Variants in PATJ observed in about 807,000 individuals in gnomAD.
The protein encoded by PATJ is PATJ crumbs cell polarity complex component, also known as inaD-like protein.
In PATJ, 190 loss-of-function variants were observed where a neutral mutation model predicts 224.9. That is an observed-to-expected ratio of 0.84 (90% CI 0.75 to 0.95). The LOEUF (loss-of-function observed/expected upper bound fraction) is 0.95. Ranked by LOEUF, PATJ falls within the 40% of genes least tolerant of loss-of-function variation. The pLI is 0.00. For synonymous variants in PATJ, 769 were observed against 820.3 expected, an observed-to-expected ratio of 0.94 and a Z score of 1.07; for missense variants, 2,121 against 2,270.3, an observed-to-expected ratio of 0.93 and a Z score of 1.34.
At position 61,869,971 on chromosome 1, in the gene PATJ, G is replaced by A. The variant is rs190887382; in HGVS notation, c.2836-5272G>A. On this transcript the variant is annotated intron_variant, in intron 20 of 43. Coordinates refer to ENST00000642238, the MANE Select transcript of PATJ (RefSeq NM_001350145.3). ...CCCGAAGCCCCAGTGGGCGTGTTAC[G>A]GTGATCTTTTAGCTCTGCCATCTGC... is the stretch of plus-strand genomic sequence containing the variant. Among the ~76,000 whole-genome samples, 39 of 152,058 alleles carry A rather than the reference G, an allele frequency of 2.6e-4. No individual in the cohort carries two copies. In the East Asian group the frequency reaches 3.3e-3, roughly 13 times the overall value.
chr1:61,759,410 C>CTT (rs56222334), intron 1 of PATJ, among the ~76,000 whole-genome samples: 109 of 130,090 alleles, frequency 8.4e-4, no homozygotes, highest in Admixed American at 1.8e-3. Context: ...ATTTTAATTG[C>CTT]TTTTTTTTTT....
chr1:62,063,847 G>T (rs1314763731), intron 31 of PATJ, among the ~76,000 whole-genome samples: 4 of 152,142 alleles, frequency 2.6e-5, no homozygotes, highest in African/African-American at 9.7e-5. Flanking sequence ...TTTGTTCACT[G>T]ATTTTGTGTC....
At chr1:62,073,013 C>G in intron 31 of PATJ, 1 of 984,928 alleles carries the variant, frequency 1.0e-6, no homozygotes. Flanking sequence ...GTGTCTTTTA[C>G]ATTTCAGGAA....
At chr1:61,992,276 C>A (rs1428269568) in intron 28 of PATJ, among the ~76,000 whole-genome samples, 1 of 152,076 alleles carries the variant, frequency 6.6e-6, no homozygotes, top group Non-Finnish European at 1.5e-5. Context: ...TGCCACCATG[C>A]CCAGCTAATA....
chr1:62,142,168 A>T (rs79385216), intron 41 of PATJ, among the ~76,000 whole-genome samples: 5,245 of 152,198 alleles, frequency 0.034, 162 homozygotes, highest in South Asian at 0.13. Context: ...CAGCCCCATA[A>T]GGACAGTCTG....
At chr1:61,871,557 ATTTTTTTTTT>A (rs71582650) in intron 20 of PATJ, among the ~76,000 whole-genome samples, 3 of 55,046 alleles carry the variant, frequency 5.4e-5, no homozygotes, top group Non-Finnish European at 1.0e-4. Flanking sequence ...ATATATATAT[ATTTTTTTTTT>A]TTTTTTTTTT....
chr1:61,806,512 G>A (rs529301007), intron 13 of PATJ, among the ~76,000 whole-genome samples: 337 of 151,930 alleles, frequency 2.2e-3, no homozygotes, highest in African/African-American at 7.4e-3. Context: ...CCAGCTACTC[G>A]GGAGACTGAG....
In PATJ at chr1:61,845,912, G is replaced by A. The variant is rs546963946; in HGVS notation, c.2113-10118G>A. ...GAGGTTATAGATCTGCATATCTGGA[G>A]GGCATAGATTCAACCCTGTGTTTTC... On this transcript the variant is annotated intron_variant, in intron 17 of 43. Coordinates refer to ENST00000642238, the MANE Select transcript of PATJ (RefSeq NM_001350145.3). 5.9e-5 allele frequency among the ~76,000 whole-genome samples: 9 copies of A among 152,252 alleles called. No homozygotes were observed. In the East Asian group the frequency reaches 1.3e-3, roughly 23 times the overall value.
At chr1:61,873,060 A>C (rs996841180) in intron 20 of PATJ, among the ~76,000 whole-genome samples, 8 of 152,206 alleles carry the variant, frequency 5.3e-5, no homozygotes, top group African/African-American at 1.9e-4. Context: ...TTGAACAACC[A>C]AAATTCCAGC....
At chr1:62,004,480 A>G (rs1175178296) in intron 28 of PATJ, among the ~76,000 whole-genome samples, 1 of 152,152 alleles carries the variant, frequency 6.6e-6, no homozygotes, top group African/African-American at 2.4e-5. Flanking sequence ...TACTTATACT[A>G]TGGCTTTTTT....
intron 27 of PATJ, among the ~76,000 whole-genome samples, chr1:61,980,935 C>CT (rs1479929674): frequency 6.6e-6 from 1 of 152,034 alleles, no homozygotes; most frequent in African/African-American, 2.4e-5. Flanking sequence ...TTCCCTCTCC[C>CT]CTTGAAATTC....
intron 6 of PATJ, among the ~76,000 whole-genome samples, chr1:61,773,138 AG>A (rs1646713665): frequency 6.6e-6 from 1 of 151,982 alleles, no homozygotes; most frequent in Non-Finnish European, 1.5e-5. Context: ...CTCCTGCCTC[AG>A]CCTCCTAAGT....
chr1:61,854,501 C>A (rs76383432), intron 17 of PATJ, among the ~76,000 whole-genome samples: 2,640 of 152,264 alleles, frequency 0.017, 91 homozygotes, highest in African/African-American at 0.061. Flanking sequence ...TCTCAATTTA[C>A]AACTCTTTGT....
At chr1:61,867,706 A>T (rs2148972687) in intron 20 of PATJ, among the ~76,000 whole-genome samples, 1 of 152,044 alleles carries the variant, frequency 6.6e-6, no homozygotes, top group African/African-American at 2.4e-5. Flanking sequence ...ATTTTCTTTA[A>T]GTAATTATAT....
Position 61,990,238 on chromosome 1 carries a change from T to A in PATJ, c.3741T>A (p.Asn1247Lys). Reference sequence around the variant, plus strand: ...TTATTGAACTTGAAAAAGATAAGAATGGACTTGGACTCAGCCTTGCTGGTA... The same window carrying A: ...TTATTGAACTTGAAAAAGATAAGAAAGGACTTGGACTCAGCCTTGCTGGTA... ...LHIIELEKDK[N>K]GLGLSLAGNK... The change falls in exon 28 of 44, where the codon AAT (asparagine) becomes AAA (lysine). Residue 1247 changes from asparagine (N) to lysine (K), a missense_variant. Coordinates refer to ENST00000642238, the MANE Select transcript of PATJ (RefSeq NM_001350145.3). 6.2e-7 allele frequency: 1 copy of A among 1,613,892 alleles called. No individual in the cohort carries two copies. The highest frequency in any genetic ancestry group is 8.5e-7 in the Non-Finnish European group (1 of 1,179,840).
chr1:61,869,316 C>T lies in PATJ; in HGVS notation c.2835+4683C>T, dbSNP rs186531770. On this transcript the variant is annotated intron_variant, in intron 20 of 43. Coordinates refer to ENST00000642238, the MANE Select transcript of PATJ (RefSeq NM_001350145.3). Reference sequence around the variant, plus strand: ...AGAGACGGGGTTTCACCGTTTTAGCCGGGATGGTCTCGATCTCCTGACCTC... The same window carrying T: ...AGAGACGGGGTTTCACCGTTTTAGCTGGGATGGTCTCGATCTCCTGACCTC... Among the ~76,000 whole-genome samples, 408 of 151,902 alleles carry T rather than the reference C, an allele frequency of 2.7e-3. 1 individual carries two copies. The highest frequency in any genetic ancestry group is 9.5e-3 in the African/African-American group (392 of 41,398).
chr1:61,911,725 T>G (rs1019211091), intron 25 of PATJ, among the ~76,000 whole-genome samples: 1 of 146,734 alleles, frequency 6.8e-6, no homozygotes, highest in South Asian at 2.1e-4. Context: ...ATATCATATA[T>G]ATGACAAGTC....
chr1:61,782,860 A>C (rs1309055403), intron 7 of PATJ, among the ~76,000 whole-genome samples: 6 of 152,194 alleles, frequency 3.9e-5, no homozygotes, highest in Non-Finnish European at 1.5e-5. Context: ...AAACCCTTGA[A>C]GTGCAGAAAC....
intron 3 of PATJ, 88 bp downstream of exon 3, chr1:61,763,267 A>C (rs1413459708): frequency 9.2e-6 from 7 of 758,550 alleles, no homozygotes; most frequent in Non-Finnish European, 1.4e-5. Flanking sequence ...GACAAAGACA[A>C]ATTATCTTTA....
Sources: allele counts gnomAD v4.1 joint callset (sites outside exome capture counted in the v4.1 genomes callset), GRCh38; gene constraint gnomAD v4.1.1; transcripts MANE v1.5; gene names NCBI Gene and HGNC (gene_info 2026-07-23, HGNC 2026-07-21).